ADGRA2: variants seen among roughly 807,000 people sequenced by gnomAD.
ADGRA2 encodes the protein G-protein coupled receptor 124.
Under a neutral mutation model 98.7 loss-of-function variants are expected in ADGRA2, and 61 were observed. The ratio of observed to expected loss-of-function variants is 0.62; its 90% CI spans 0.50 to 0.76. ADGRA2 has a LOEUF of 0.76. ADGRA2 is among the 30% of genes least tolerant of loss of function. The pLI, the probability that ADGRA2 is intolerant of heterozygous loss-of-function variation, is 0.00. For missense variants in ADGRA2, 1,712 were observed against 1,860.0 expected (o/e 0.92, Z 1.46); for synonymous variants, 858 against 831.5 (o/e 1.03, Z -0.55).
chr8:37,807,989 C>T (rs893055628), intron 1 of ADGRA2, among the ~76,000 whole-genome samples: 1 of 152,174 alleles, frequency 6.6e-6, no homozygotes, highest in Admixed American at 6.5e-5. Flanking sequence ...TACGTTCCTG[C>T]GGCTGCCCAG....
At position 37,833,266 on chromosome 8, in the gene ADGRA2, A is replaced by G. The variant is rs143330705; in HGVS notation, c.1296+58A>G. 1.5e-3 allele frequency: 2,101 copies of G among 1,369,726 alleles called. 36 individuals carry two copies. In the African/African-American group the frequency reaches 0.028, roughly 18 times the overall value. 84.8% of individuals were successfully genotyped at this position (1,369,726 alleles called of 1,614,324 possible). A position where few individuals can be genotyped will look rare whatever the true frequency, so the allele number is the denominator to read the frequency against. On this transcript the variant is annotated intron_variant, in intron 9 of 18. Coordinates refer to ENST00000412232, the MANE Select transcript of ADGRA2 (RefSeq NM_032777.10). ...GCTTCGGGGGCACAGGGAAGGGAGA[A>G]GCCAACCTAACGGGCAAGGGGAGCC... is the stretch of plus-strand genomic sequence containing the variant.
intron 17 of ADGRA2, 112 bp downstream of exon 17, chr8:37,840,378 C>G: frequency 8.4e-7 from 1 of 1,184,542 alleles, no homozygotes; most frequent in Non-Finnish European, 1.2e-6. Flanking sequence ...GATCACTCTC[C>G]AAAGACGGGG....
intron 3 of ADGRA2, 98 bp downstream of exon 3, chr8:37,829,057 C>A: frequency 2.3e-6 from 2 of 879,638 alleles, no homozygotes; most frequent in Non-Finnish European, 3.4e-6. Context: ...CACCCCCCCA[C>A]ACCTGCCCCT....
chr8:37,828,810 G>A, intron 2 of ADGRA2, 78 bp from the exon 3 acceptor site: 2 of 1,122,806 alleles, frequency 1.8e-6, no homozygotes, highest in Admixed American at 2.3e-5. Context: ...ACACCGTGGT[G>A]ACAGTGAGGA....
intron 1 of ADGRA2, among the ~76,000 whole-genome samples, chr8:37,804,254 G>A (rs1327774185): frequency 6.6e-6 from 1 of 152,140 alleles, no homozygotes; most frequent in Non-Finnish European, 1.5e-5. Flanking sequence ...AAGCCACCAA[G>A]GGCAGCCACA....
At chr8:37,803,918 TC>T (rs1447430488) in intron 1 of ADGRA2, among the ~76,000 whole-genome samples, 1 of 151,976 alleles carries the variant, frequency 6.6e-6, no homozygotes, top group African/African-American at 2.4e-5. Context: ...CCGCCTCTGT[TC>T]CTCCCTCTCC....
intron 13 of ADGRA2, among the ~76,000 whole-genome samples, chr8:37,837,206 G>A (rs553605145): frequency 1.3e-5 from 2 of 152,366 alleles, no homozygotes; most frequent in South Asian, 2.1e-4. Context: ...AAGGTGGCCT[G>A]AGGAAGGTGA....
chr8:37,811,039 G>A (rs1310282670), intron 1 of ADGRA2, among the ~76,000 whole-genome samples: 3 of 150,538 alleles, frequency 2.0e-5, no homozygotes, highest in East Asian at 3.9e-4. Context: ...GCGTGAAGCC[G>A]GGAGGCGGAG....
intron 2 of ADGRA2, among the ~76,000 whole-genome samples, chr8:37,827,999 G>A (rs1205009912): frequency 4.6e-5 from 7 of 151,808 alleles, no homozygotes; most frequent in African/African-American, 1.2e-4. Context: ...TTAAATTAGC[G>A]GGTGTGGTGG....
chr8:37,830,610 G>GCGGCC lies in ADGRA2; in HGVS notation c.719-99_719-98insGGCCC. On this transcript the variant is annotated intron_variant, in intron 6 of 18. Transcript: ENST00000412232. The surrounding 1 kb of genome is among the most constrained non-coding windows in gnomAD (Gnocchi z 4.8). The stretch of plus-strand genomic sequence containing the variant: ...AGCTGGAGCAGGCTGCAGGCCGAGG[G>GCGGCC]CCCCGCCCCGCCCCACCCCATCCTG... The GCGGCC allele has an allele frequency of 2.4e-5, 14 of 579,886 alleles. 1 individual carries two copies. Among genetic ancestry groups the GCGGCC allele is most frequent in the Non-Finnish European group, 3.5e-5 (11 of 315,942 alleles). The allele number at this position is 579,886 out of a possible 1,614,324, so 35.9% of individuals were successfully genotyped here.
intron 1 of ADGRA2, among the ~76,000 whole-genome samples, chr8:37,798,792 G>A (rs1422193035): frequency 1.3e-5 from 2 of 152,240 alleles, no homozygotes; most frequent in African/African-American, 4.8e-5. Flanking sequence ...GTCAGCCTCT[G>A]ACGCTGGCCG....
chr8:37,831,357 C>G lies in ADGRA2; in HGVS notation c.933-66C>G, dbSNP rs576055359. The G allele has an allele frequency of 2.5e-5, 37 of 1,505,554 alleles. 1 individual carries two copies. The East Asian group carries it at 4.1e-4, about 17-fold the overall frequency. 93.3% of individuals were successfully genotyped at this position (1,505,554 alleles called of 1,614,324 possible). ...CTGCAGCTAGTGTTGTAGGACGGTG[C>G]TGAGGGAGGGCAACGTGGCTGGGCC... On this transcript the variant is annotated intron_variant, in intron 7 of 18. Transcript: ENST00000412232.
chr8:37,842,402 C>A lies in ADGRA2; in HGVS notation c.*47C>A, dbSNP rs774658398. The A allele has an allele frequency of 1.7e-5, 24 of 1,423,004 alleles. No homozygotes were observed. The African/African-American group carries it at 1.9e-4, about 12-fold the overall frequency. 88.1% of individuals were successfully genotyped at this position (1,423,004 alleles called of 1,614,324 possible). On this transcript the variant is annotated 3_prime_UTR_variant, in exon 19 of 19. Transcript: ENST00000412232. ...GACGGGCTGGCCACGCGGCTCGTTC[C>A]CCCGCTCCTCGGGGCCCTCCAAGGT...
Position 37,827,644 on chromosome 8 carries a change from T to C in ADGRA2, c.339-1244T>C, listed in dbSNP as rs577374382. ...CACTGCGGGCTCCTGCGGAGACCCATGGAGAAGACAGGACTGAGGACCTTG... is the reference window on the plus strand; with the variant it reads ...CACTGCGGGCTCCTGCGGAGACCCACGGAGAAGACAGGACTGAGGACCTTG... On this transcript the variant is annotated intron_variant, in intron 2 of 18. Coordinates refer to ENST00000412232, the MANE Select transcript of ADGRA2 (RefSeq NM_032777.10). Among the ~76,000 whole-genome samples, 16 of 152,320 alleles carry C rather than the reference T, an allele frequency of 1.1e-4. No homozygotes were observed. The South Asian group carries it at 2.5e-3, about 24-fold the overall frequency.
chr8:37,803,080 G>T (rs1433864080), intron 1 of ADGRA2, among the ~76,000 whole-genome samples: 1 of 152,164 alleles, frequency 6.6e-6, no homozygotes, highest in Non-Finnish European at 1.5e-5. Context: ...TCCCCCAAAG[G>T]CACAGGCAAA....
chr8:37,824,319 A>G (rs937078082), intron 2 of ADGRA2, among the ~76,000 whole-genome samples: 2 of 150,836 alleles, frequency 1.3e-5, no homozygotes, highest in Admixed American at 1.3e-4. Flanking sequence ...ATGAGCCATC[A>G]TGCCCAGCCT....
Position 37,844,622 on chromosome 8 carries a change from G to A in ADGRA2, c.*2267G>A, listed in dbSNP as rs1343851234. ...AAATGTTCTCATCTCCAGTGACAGT[G>A]GAGACAGGGGGTACAGGGCAGATCC... On this transcript the variant is annotated 3_prime_UTR_variant, in exon 19 of 19. Transcript: ENST00000412232. 1 of 1,614,116 alleles carries A rather than the reference G, an allele frequency of 6.2e-7. No individual in the cohort carries two copies. Among genetic ancestry groups the A allele is most frequent in the South Asian group, 1.1e-5 (1 of 91,072 alleles).
In ADGRA2 at chr8:37,797,230, C is replaced by G. The variant is rs1804353808; in HGVS notation, c.-39C>G. On this transcript the variant is annotated 5_prime_UTR_variant, in exon 1 of 19. Transcript: ENST00000412232. The surrounding 1 kb of genome is among the most constrained non-coding windows in gnomAD (Gnocchi z 5.3). ...GGGTCCCTCCGGCCGGCGCGCAGCC[C>G]GGCCCCAGCGCTGTGGGTCCCCGCG... is the stretch of plus-strand genomic sequence containing the variant. 2 of 1,210,610 alleles carry G rather than the reference C, an allele frequency of 1.7e-6. No homozygotes were observed. Among genetic ancestry groups the G allele is most frequent in the South Asian group, 4.0e-5 (1 of 24,776 alleles). 75.0% of individuals were successfully genotyped at this position (1,210,610 alleles called of 1,614,324 possible). A position where few individuals can be genotyped will look rare whatever the true frequency, so the allele number is the denominator to read the frequency against.
Position 37,836,009 on chromosome 8 carries a change from T to C in ADGRA2, c.2050+239T>C, listed in dbSNP as rs533722931. ...TTCTATATCCCAGATTTGTTCAATT[T>C]CAAGAGGGCTATGAGCATAGCCCCC... On this transcript the variant is annotated intron_variant, in intron 13 of 18. Transcript: ENST00000412232. Among the ~76,000 whole-genome samples the C allele has an allele frequency of 1.7e-4, 25 of 149,708 alleles. 1 individual carries two copies. In the South Asian group the frequency reaches 5.1e-3, roughly 30 times the overall value.
Sources: allele counts gnomAD v4.1 joint callset (sites outside exome capture counted in the v4.1 genomes callset), GRCh38; gene constraint gnomAD v4.1.1; non-coding constraint Gnocchi (gnomAD v3.1); transcripts MANE v1.5; gene names NCBI Gene and HGNC (gene_info 2026-07-23, HGNC 2026-07-21).